The following NRG1 variants were observed in gnomAD, a reference collection of about 807,000 sequenced individuals.
NRG1 encodes neuregulin 1, also known as pro-neuregulin-1, membrane-bound isoform.
A neutral mutation model predicts 63.8 loss-of-function variants in NRG1; 18 were observed. That is an observed-to-expected ratio of 0.28 (90% CI 0.19 to 0.42). The LOEUF is 0.42. NRG1 is among the 10% of genes least tolerant of loss of function. The pLI is 1.00. For missense variants in NRG1, 762 were observed against 814.7 expected, an observed-to-expected ratio of 0.94 and a Z score of 0.79; for synonymous variants, 302 against 301.3, an observed-to-expected ratio of 1.00 and a Z score of -0.02.
chr8:32,223,341 G>A (rs1022129186), intron 1 of NRG1, among the ~76,000 whole-genome samples: 1 of 152,156 alleles, frequency 6.6e-6, no homozygotes, highest in African/African-American at 2.4e-5. Flanking sequence ...CATTGCAAAG[G>A]TGTAATACTT....
intron 1 of NRG1, among the ~76,000 whole-genome samples, chr8:32,202,065 A>G (rs933496290): frequency 6.6e-6 from 1 of 152,208 alleles, no homozygotes; most frequent in African/African-American, 2.4e-5. Context: ...TGTGGTCTGC[A>G]TGAGAGAACT....
intron 5 of NRG1, among the ~76,000 whole-genome samples, chr8:32,628,281 T>C (rs1273473353): frequency 6.6e-6 from 1 of 152,220 alleles, no homozygotes; most frequent in Non-Finnish European, 1.5e-5. Context: ...GTGGCCATAA[T>C]AGATTTTTCA....
chr8:31,869,092 G>A (rs1829254055), intron 1 of NRG1, among the ~76,000 whole-genome samples: 1 of 152,182 alleles, frequency 6.6e-6, no homozygotes, highest in Non-Finnish European at 1.5e-5. Flanking sequence ...ACATATCTTT[G>A]ATGATAAGGC....
chr8:32,450,504 C>G (rs1298116093), intron 1 of NRG1, among the ~76,000 whole-genome samples: 1 of 152,158 alleles, frequency 6.6e-6, no homozygotes, highest in South Asian at 2.1e-4. Context: ...GCAGCCTTAA[C>G]CCCCAGGCTC....
At chr8:32,282,837 A>G (rs544699561) in intron 1 of NRG1, among the ~76,000 whole-genome samples, 1 of 152,178 alleles carries the variant, frequency 6.6e-6, no homozygotes, top group Non-Finnish European at 1.5e-5. Flanking sequence ...ATTTATTCTC[A>G]TTCATACTTG....
chr8:32,349,273 A>G (rs1805291676), intron 1 of NRG1, among the ~76,000 whole-genome samples: 1 of 152,210 alleles, frequency 6.6e-6, no homozygotes. Flanking sequence ...ATATCTTGGC[A>G]GACTACATGG....
intron 2 of NRG1, among the ~76,000 whole-genome samples, chr8:32,603,081 C>T (rs577083908): frequency 6.6e-6 from 1 of 152,220 alleles, no homozygotes; most frequent in South Asian, 2.1e-4. Flanking sequence ...GGAAGCTTTC[C>T]TATGAATAAT....
At chr8:32,437,050 A>T (rs1053117109) in intron 1 of NRG1, among the ~76,000 whole-genome samples, 15 of 152,072 alleles carry the variant, frequency 9.9e-5, no homozygotes, top group African/African-American at 3.6e-4. Context: ...TCATCATAAT[A>T]TTGTGTGGGG....
At chr8:32,453,043 T>C (rs954464690) in intron 1 of NRG1, among the ~76,000 whole-genome samples, 17 of 152,188 alleles carry the variant, frequency 1.1e-4, no homozygotes, top group African/African-American at 3.9e-4. Flanking sequence ...CAAGAAGTAC[T>C]AACAAAATTA....
chr8:32,419,675 C>A (rs71512623), intron 1 of NRG1, among the ~76,000 whole-genome samples: 8,469 of 152,248 alleles, frequency 0.056, 315 homozygotes, highest in Middle Eastern at 0.092. Flanking sequence ...AATTCTCATA[C>A]ATGTCACATG....
At chr8:31,720,087 G>C (rs1316722564) in intron 1 of NRG1, among the ~76,000 whole-genome samples, 27 of 152,036 alleles carry the variant, frequency 1.8e-4, no homozygotes, top group Admixed American at 1.8e-3. Context: ...GATATTTCCA[G>C]GTTATTCCTT....
At chr8:31,967,129 G>A (rs980794396) in intron 1 of NRG1, among the ~76,000 whole-genome samples, 2 of 152,054 alleles carry the variant, frequency 1.3e-5, no homozygotes, top group Admixed American at 6.6e-5. Flanking sequence ...ATGGCCTTCA[G>A]TACTTTACAC....
intron 11 of NRG1, chr8:32,763,482 T>A (rs1415906444): frequency 1.2e-5 from 14 of 1,199,408 alleles, no homozygotes; most frequent in Non-Finnish European, 1.5e-5. Context: ...TATTTATAAT[T>A]GTGATGAGAT....
intron 1 of NRG1, among the ~76,000 whole-genome samples, chr8:31,776,895 C>G (rs1405631809): frequency 6.6e-6 from 1 of 152,132 alleles, no homozygotes; most frequent in Non-Finnish European, 1.5e-5. Flanking sequence ...TGCATAGTAA[C>G]AGCAGGTTCT....
intron 1 of NRG1, among the ~76,000 whole-genome samples, chr8:31,870,512 G>A (rs1273221499): frequency 6.6e-6 from 1 of 152,088 alleles, no homozygotes; most frequent in Non-Finnish European, 1.5e-5. Flanking sequence ...TTTGTGAAAT[G>A]AGTGGAAGAA....
At position 32,269,985 on chromosome 8, in the gene NRG1, T is replaced by C. The variant is rs539488078; in HGVS notation, c.38-325843T>C. ...TCATAAATGGTTAGTATTGAGGCCTTATAAAGAAATATAACATCTGCTTTT... is the reference window on the plus strand; with the variant it reads ...TCATAAATGGTTAGTATTGAGGCCTCATAAAGAAATATAACATCTGCTTTT... On this transcript the variant is annotated intron_variant, in intron 1 of 10. Coordinates refer to the NRG1 transcript ENST00000519301. 2.0e-5 allele frequency among the ~76,000 whole-genome samples: 3 copies of C among 152,250 alleles called. No homozygotes were observed. The East Asian group carries it at 5.8e-4, about 29-fold the overall frequency.
At chr8:32,233,552 TA>T (rs1563934326) in intron 1 of NRG1, among the ~76,000 whole-genome samples, 49 of 73,828 alleles carry the variant, frequency 6.6e-4, no homozygotes, top group African/African-American at 2.4e-3. Flanking sequence ...TATATATATA[TA>T]TATATATATA....
At chr8:32,751,675 T>C (rs991973173) in intron 7 of NRG1, among the ~76,000 whole-genome samples, 7 of 152,170 alleles carry the variant, frequency 4.6e-5, no homozygotes, top group Admixed American at 2.0e-4. Flanking sequence ...ACGTCTGTAT[T>C]CTATGGGCCT....
intron 1 of NRG1, among the ~76,000 whole-genome samples, chr8:31,962,448 T>A (rs1182670572): frequency 1.3e-5 from 2 of 152,140 alleles, no homozygotes; most frequent in African/African-American, 4.8e-5. Context: ...CTTTGCAAAT[T>A]ACAGTTAGTA....
Sources: allele counts gnomAD v4.1 joint callset (sites outside exome capture counted in the v4.1 genomes callset), GRCh38; gene constraint gnomAD v4.1.1; transcripts MANE v1.5; gene names NCBI Gene and HGNC (gene_info 2026-07-23, HGNC 2026-07-21).